IGFN1: variants seen among roughly 807,000 people sequenced by gnomAD.
IGFN1 encodes the protein immunoglobulin-like and fibronectin type III domain-containing protein 1.
Under a neutral mutation model 289.5 loss-of-function variants are expected in IGFN1, and 253 were observed. The observed-to-expected ratio is 0.87, with a 90% CI of 0.79 to 0.97. IGFN1 has a LOEUF of 0.97. Ranked by LOEUF, IGFN1 falls within the 50% of genes least tolerant of loss-of-function variation. The probability of loss-of-function intolerance (pLI) is 0.00; values close to 1 mark genes in which losing one functional copy is unlikely to be tolerated. For synonymous variants in IGFN1, 1,706 were observed against 1,788.5 expected (o/e 0.95, Z 1.16); for missense variants, 4,470 against 4,686.1 (o/e 0.95, Z 1.35).
chr1:201,213,106 G>A lies in IGFN1; in HGVS notation c.8213G>A (p.Trp2738Ter), dbSNP rs1667910600. ...GGGGAGTCCGGACCTCAGGGAGCCTGGAATGGCTTAGATGGTCCCTTTGGC... is the reference window on the plus strand; with the variant it reads ...GGGGAGTCCGGACCTCAGGGAGCCTAGAATGGCTTAGATGGTCCCTTTGGC... ...KPGESGPQGA[W>*]NGLDGPFGRK... Residue 2738 changes from tryptophan to a stop codon, truncating the protein, a stop_gained, in exon 12 of 24, where the codon TGG becomes TAG. Transcript: ENST00000335211. LOFTEE classifies it high-confidence loss of function. 1 of 1,551,660 alleles carries A rather than the reference G, an allele frequency of 6.4e-7. No homozygotes were observed. The highest frequency in any genetic ancestry group is 8.7e-7 in the Non-Finnish European group (1 of 1,146,980).
chr1:201,216,542 T>C lies in IGFN1; in HGVS notation c.9384T>C (p.Asn3128=). The part of the protein sequence containing the change: ...VCLRWRPPRD[N]GGRTVECYVV... ...TCCGCTGGCGGCCCCCAAGGGACAA[T>C]GGGGGCCGGACTGTAGAGTGCTACG... The change falls in exon 16 of 24, where the codon AAT becomes AAC. Residue 3128 remains asparagine, a synonymous_variant. Transcript: ENST00000335211. 1 of 1,612,820 alleles carries C rather than the reference T, an allele frequency of 6.2e-7. No individual in the cohort carries two copies. The highest frequency in any genetic ancestry group is 8.5e-7 in the Non-Finnish European group (1 of 1,179,450).
chr1:201,197,946 A>T (rs1166318980), intron 5 of IGFN1, among the ~76,000 whole-genome samples: 9 of 152,182 alleles, frequency 5.9e-5, no homozygotes, highest in Admixed American at 2.0e-4. Context: ...AGTGGCGTCC[A>T]GGGCTCATAC....
In IGFN1 at chr1:201,224,542, C is replaced by A; in HGVS notation, c.10291-137C>A. The stretch of plus-strand genomic sequence containing the variant: ...TTTCCCACCTGTGTTTTCTTGTCGA[C>A]GTTGTGTTTTCTGGTCGACTTTCTC... On this transcript the variant is annotated intron_variant, in intron 20 of 23. Coordinates refer to ENST00000335211, the MANE Select transcript of IGFN1 (RefSeq NM_001164586.2). The A allele has an allele frequency of 5.9e-6, 4 of 675,730 alleles. No homozygotes were observed. The South Asian group carries it at 7.9e-5, about 13-fold the overall frequency. 41.9% of individuals were successfully genotyped at this position (675,730 alleles called of 1,614,324 possible). A position where few individuals can be genotyped will look rare whatever the true frequency, so the allele number is the denominator to read the frequency against.
chr1:201,206,116 C>T lies in IGFN1; in HGVS notation c.1223C>T (p.Ala408Val). Residue 408 changes from alanine to valine, a missense_variant, in exon 12 of 24, where the codon GCT (alanine) becomes GTT (valine). By Grantham distance (64) the Ala-to-Val change is moderately conservative. Around this residue, in one of 8 missense-constraint regions of IGFN1, gnomAD observed 2,011 missense variants for 1,953.4 expected, o/e 1.03. Transcript: ENST00000335211. ...GKDKDLQSTSADHKLQRQGAQ... is the reference protein window; with the variant it reads ...GKDKDLQSTSVDHKLQRQGAQ... ...GATAAAGACCTTCAGTCCACAAGTGCTGACCACAAACTGCAGAGGCAAGGA... is the reference window on the plus strand; with the variant it reads ...GATAAAGACCTTCAGTCCACAAGTGTTGACCACAAACTGCAGAGGCAAGGA... The T allele has an allele frequency of 6.4e-7, 1 of 1,550,820 alleles. No individual in the cohort carries two copies.
At position 201,195,856 on chromosome 1, in the gene IGFN1, C is replaced by T. The variant is rs552320877; in HGVS notation, c.145C>T (p.Arg49Trp). ...TGCTGCAGGGAAAAATGCTGTCTTT[C>T]GGGCTGTGGTCTGTGGGGAGCCCAG... Reference protein sequence around the residue: ...ALPEGKNAVFRAVVCGEPRPE... With the variant: ...ALPEGKNAVFWAVVCGEPRPE... The change falls in exon 4 of 24, where the codon CGG becomes TGG. Residue 49 changes from arginine (R) to tryptophan (W), a missense_variant. Coordinates refer to ENST00000335211, the MANE Select transcript of IGFN1 (RefSeq NM_001164586.2). 67 of 1,551,512 alleles carry T rather than the reference C, an allele frequency of 4.3e-5. 1 individual carries two copies. In the East Asian group the frequency reaches 6.4e-4, roughly 15 times the overall value.
intron 20 of IGFN1, among the ~76,000 whole-genome samples, chr1:201,223,852 CATCATCTGTGTA>C: frequency 6.6e-6 from 1 of 152,332 alleles, no homozygotes; most frequent in Admixed American, 6.5e-5. Flanking sequence ...TTAAAATCAT[CATCATCTGTGTA>C]GGAATTCAAA....
chr1:201,226,732 C>T, intron 22 of IGFN1, 150 bp from the exon 23 acceptor site: 2 of 670,216 alleles, frequency 3.0e-6, no homozygotes, highest in South Asian at 2.1e-5. Flanking sequence ...ATGAGGCAAG[C>T]CTTGGGGTCC....
chr1:201,215,430 C>G, intron 14 of IGFN1, 109 bp from the exon 15 acceptor site: 1 of 997,176 alleles, frequency 1.0e-6, no homozygotes, highest in South Asian at 1.7e-5. Context: ...TGTGGTGGGG[C>G]AGGGGATTCC....
rs1323381992 is a variant in IGFN1, at chr1:201,212,301, T to C, written c.7408T>C (p.Tyr2470His). ...AGGCTCCACCAAAGATCTTGGGGGC[T>C]ATGGAACTTCAGGGATCCCTGAGGC... ...ERGSTKDLGG[Y>H]GTSGIPEASE... Residue 2470 changes from tyrosine to histidine, a missense_variant, in exon 12 of 24, where the codon TAT becomes CAT. Coordinates refer to ENST00000335211, the MANE Select transcript of IGFN1 (RefSeq NM_001164586.2). The C allele has an allele frequency of 6.5e-7, 1 of 1,536,452 alleles. No individual in the cohort carries two copies. The highest frequency in any genetic ancestry group is 8.7e-7 in the Non-Finnish European group (1 of 1,146,734).
intron 5 of IGFN1, among the ~76,000 whole-genome samples, chr1:201,197,743 G>A (rs1666981004): frequency 6.6e-6 from 1 of 152,006 alleles, no homozygotes; most frequent in South Asian, 2.1e-4. Flanking sequence ...TGTTTTTTTT[G>A]GTGTGCGTGG....
Position 201,208,208 on chromosome 1 carries a change from G to A in IGFN1, c.3315G>A (p.Val1105=), listed in dbSNP as rs1667527767. ...TGGAGACTGTTGGGATGGGATGTGT[G>A]GAAGCAGAACCAGAGAGCTCTGGAA... ...GVVETVGMGC[V]EAEPESSGRI... Residue 1105 remains valine (V), a synonymous_variant, in exon 12 of 24, where the codon GTG becomes GTA. Transcript: ENST00000335211. 1.3e-6 allele frequency: 2 copies of A among 1,536,760 alleles called. No homozygotes were observed. Among genetic ancestry groups the A allele is most frequent in the African/African-American group, 2.7e-5 (2 of 72,972 alleles).
chr1:201,206,395 C>T lies in IGFN1; in HGVS notation c.1502C>T (p.Thr501Ile). ...GFPVAEGSRATLPRENQSHRE... is the reference protein window; with the variant it reads ...GFPVAEGSRAILPRENQSHRE... Reference sequence around the variant, plus strand: ...CCAGTAGCAGAGGGAAGCAGAGCCACTCTTCCCAGGGAAAATCAATCCCAC... The same window carrying T: ...CCAGTAGCAGAGGGAAGCAGAGCCATTCTTCCCAGGGAAAATCAATCCCAC... Residue 501 changes from threonine to isoleucine, a missense_variant, in exon 12 of 24, where the codon ACT becomes ATT. This residue lies in a region of IGFN1 where 2,011 missense variants were observed against 1,953.4 expected (regional missense o/e 1.03). Transcript: ENST00000335211. The T allele has an allele frequency of 3.2e-6, 5 of 1,550,822 alleles. No homozygotes were observed. Among genetic ancestry groups the T allele is most frequent in the East Asian group, 2.4e-5 (1 of 40,922 alleles).
In IGFN1 at chr1:201,201,745, A is replaced by G; in HGVS notation, c.660A>G (p.Arg220=). The part of the protein sequence containing the change: ...AQYINTISSL[R]HIRVTKDGNA... ...ACATCAACACCATCTCCAGCTTAAG[A>G]CACATCAGGGTCACCAAGGATGGGA... is the stretch of plus-strand genomic sequence containing the variant. The change falls in exon 9 of 24, where the codon AGA becomes AGG. Residue 220 remains arginine (R), a synonymous_variant. Transcript: ENST00000335211. 1 of 1,547,840 alleles carries G rather than the reference A, an allele frequency of 6.5e-7. No individual in the cohort carries two copies. Among genetic ancestry groups the G allele is most frequent in the Non-Finnish European group, 8.7e-7 (1 of 1,143,228 alleles).
chr1:201,202,346 C>G (rs1053289891), intron 9 of IGFN1, among the ~76,000 whole-genome samples: 1 of 152,228 alleles, frequency 6.6e-6, no homozygotes, highest in African/African-American at 2.4e-5. Flanking sequence ...GGCTTCCTCA[C>G]TTGTGAACTG....
intron 7 of IGFN1, 100 bp from the exon 8 acceptor site, chr1:201,200,137 A>T: frequency 2.1e-6 from 2 of 930,972 alleles, no homozygotes; most frequent in South Asian, 3.4e-5. Context: ...TCGAGTGCAG[A>T]TAGAGCAGCT....
chr1:201,214,125 A>G, intron 12 of IGFN1, 52 bp from the exon 13 acceptor site: 1 of 1,534,888 alleles, frequency 6.5e-7, no homozygotes, highest in South Asian at 1.2e-5. Flanking sequence ...GGCACAGCGC[A>G]GGCCATGGCC....
rs745762978 is a variant in IGFN1 at position 201,213,354 on chromosome 1, GCA to G, written c.8464_8465del (p.Gln2822ValfsTer4). On this transcript the variant is annotated frameshift_variant, in exon 12 of 24. Coordinates refer to ENST00000335211, the MANE Select transcript of IGFN1 (RefSeq NM_001164586.2). LOFTEE classifies it high-confidence loss of function. ...TGGCTCACTCAGGAGCAGGTCTCAG[GCA>G]CAGTCAGGGGCTGAGGTTGGAGGAG... is the stretch of plus-strand genomic sequence containing the variant. ...RPGSLRSRSQ[A>X]QSGAEVGGGK... 5.0e-6 allele frequency: 8 copies of G among 1,609,036 alleles called. No homozygotes were observed. Among genetic ancestry groups the G allele is most frequent in the Non-Finnish European group, 6.8e-6 (8 of 1,177,634 alleles).
At chr1:201,220,013 T>A (rs1653614194) in intron 18 of IGFN1, among the ~76,000 whole-genome samples, 1 of 151,646 alleles carries the variant, frequency 6.6e-6, no homozygotes, top group Admixed American at 6.6e-5. Context: ...TTTCTCTCTC[T>A]CTCTCCCCCT....
chr1:201,211,863 C>T lies in IGFN1; in HGVS notation c.6970C>T (p.Gln2324Ter). Residue 2324 changes from glutamine to a stop codon, truncating the protein, a stop_gained, in exon 12 of 24, where the codon CAA (glutamine) becomes TAA (stop). Coordinates refer to ENST00000335211, the MANE Select transcript of IGFN1 (RefSeq NM_001164586.2). LOFTEE classifies it high-confidence loss of function. ...GTCATGGAATGAGGCAGGTTCTAGGCAAGGCTTTGGGGGAACTAGTGGCAT... is the reference window on the plus strand; with the variant it reads ...GTCATGGAATGAGGCAGGTTCTAGGTAAGGCTTTGGGGGAACTAGTGGCAT... ...ILSWNEAGSR[Q>*]GFGGTSGMGS... is the part of the protein sequence containing the mutation. The T allele has an allele frequency of 6.5e-7, 1 of 1,534,184 alleles. No homozygotes were observed. The highest frequency in any genetic ancestry group is 1.2e-5 in the South Asian group (1 of 83,704).
Sources: gnomAD v4.1 joint callset for allele counts (sites outside exome capture counted in the v4.1 genomes callset) on GRCh38, gnomAD v4.1.1 for gene constraint, gnomAD v4.1.1 regional missense constraint, MANE v1.5 for transcripts, NCBI Gene and HGNC (gene_info 2026-07-23, HGNC 2026-07-21) for gene names.